The following ADAMTSL1 variants were observed in gnomAD, a reference collection of about 807,000 sequenced individuals.
ADAMTSL1 encodes the protein ADAMTS like 1, also known as ADAMTS-like protein 1.
A neutral mutation model predicts 201.8 loss-of-function variants in ADAMTSL1; 126 were observed. That is an observed-to-expected ratio of 0.62 (90% CI 0.54 to 0.72). The LOEUF (loss-of-function observed/expected upper bound fraction) is 0.72. Among genes scored for constraint, ADAMTSL1 ranks in the 30% least tolerant of loss-of-function variants. ADAMTSL1 has a pLI of 0.00. For missense variants in ADAMTSL1, 2,679 were observed against 2,277.8 expected (o/e 1.18, Z -3.59); for synonymous variants, 1,121 against 903.4 (o/e 1.24, Z -4.32).
At chr9:18,499,409 T>C (rs1822713365) in intron 1 of ADAMTSL1, among the ~76,000 whole-genome samples, 1 of 152,178 alleles carries the variant, frequency 6.6e-6, no homozygotes, top group South Asian at 2.1e-4. Flanking sequence ...GTATTCCAAG[T>C]TGTTAAAGAA....
rs561503557 is a variant in ADAMTSL1, at chr9:18,831,683, T to A, written c.4249+1706T>A. Among the ~76,000 whole-genome samples, 97 of 152,352 alleles carry A rather than the reference T, an allele frequency of 6.4e-4. 1 individual carries two copies. The highest frequency in any genetic ancestry group is 2.2e-3 in the African/African-American group (93 of 41,590). On this transcript the variant is annotated intron_variant, in intron 23 of 28. Coordinates refer to ENST00000380548, the MANE Select transcript of ADAMTSL1 (RefSeq NM_001040272.6). Reference sequence around the variant, plus strand: ...TCCAGCAGTTAAGAGACACCTTAAATTCCCAGTCCACATCCAGACTGCTCC... The same window carrying A: ...TCCAGCAGTTAAGAGACACCTTAAAATCCCAGTCCACATCCAGACTGCTCC...
intron 1 of ADAMTSL1, among the ~76,000 whole-genome samples, chr9:17,950,088 T>C (rs1433454219): frequency 6.6e-6 from 1 of 152,066 alleles, no homozygotes; most frequent in Non-Finnish European, 1.5e-5. Flanking sequence ...CCAGCTTATT[T>C]TTTGTATTTT....
At chr9:18,556,083 A>T (rs369455146) in intron 3 of ADAMTSL1, among the ~76,000 whole-genome samples, 28 of 152,130 alleles carry the variant, frequency 1.8e-4, no homozygotes, top group African/African-American at 6.3e-4. Context: ...CTTGCAGGGT[A>T]AGAAACAGAA....
chr9:18,817,916 T>G (rs1823965457), intron 21 of ADAMTSL1, among the ~76,000 whole-genome samples: 1 of 152,068 alleles, frequency 6.6e-6, no homozygotes, highest in South Asian at 2.1e-4. Context: ...AGATAGCCAG[T>G]GGAGTTCTGA....
At chr9:18,771,156 G>T (rs1820668391) in intron 17 of ADAMTSL1, among the ~76,000 whole-genome samples, 1 of 152,068 alleles carries the variant, frequency 6.6e-6, no homozygotes, top group Non-Finnish European at 1.5e-5. Flanking sequence ...AGATGTTTCT[G>T]TCTCTATTCA....
At chr9:18,362,394 C>T (rs1243055265) in intron 2 of ADAMTSL1, among the ~76,000 whole-genome samples, 1 of 152,184 alleles carries the variant, frequency 6.6e-6, no homozygotes, top group Non-Finnish European at 1.5e-5. Context: ...TAGGCCAACT[C>T]AGGAAATGAA....
rs566880548 is a variant in ADAMTSL1, at chr9:18,664,393, C to T, written c.1085+2320C>T. On this transcript the variant is annotated intron_variant, in intron 9 of 28. Coordinates refer to ENST00000380548, the MANE Select transcript of ADAMTSL1 (RefSeq NM_001040272.6). ...AAACCCCCAGGAAGCTGTTTTCTCA[C>T]TCAGATTTAATGGTCTAATAGTAAA... Among the ~76,000 whole-genome samples, 314 of 149,512 alleles carry T rather than the reference C, an allele frequency of 2.1e-3. 1 individual carries two copies. The highest frequency in any genetic ancestry group is 7.4e-3 in the African/African-American group (307 of 41,388).
At chr9:18,503,629 T>G (rs1822963393) in intron 1 of ADAMTSL1, among the ~76,000 whole-genome samples, 1 of 152,022 alleles carries the variant, frequency 6.6e-6, no homozygotes, top group Non-Finnish European at 1.5e-5. Flanking sequence ...GTGCCCAAGT[T>G]TATAGAGCTA....
intron 1 of ADAMTSL1, among the ~76,000 whole-genome samples, chr9:18,093,428 A>C (rs1453690833): frequency 6.6e-6 from 1 of 152,184 alleles, no homozygotes; most frequent in Non-Finnish European, 1.5e-5. Context: ...CTGTAGTTGA[A>C]AGTTAACAAG....
intron 1 of ADAMTSL1, among the ~76,000 whole-genome samples, chr9:17,983,594 G>A (rs1014276138): frequency 2.0e-5 from 3 of 152,140 alleles, no homozygotes; most frequent in Non-Finnish European, 4.4e-5. Context: ...TTGATATTAT[G>A]TAATTGACTA....
intron 1 of ADAMTSL1, among the ~76,000 whole-genome samples, chr9:18,023,887 A>G (rs1173174061): frequency 6.6e-6 from 1 of 152,150 alleles, no homozygotes. Flanking sequence ...TTGCTAAAAA[A>G]TCTCAATTTA....
intron 1 of ADAMTSL1, among the ~76,000 whole-genome samples, chr9:18,501,459 G>C (rs562305846): frequency 6.8e-6 from 1 of 146,384 alleles, no homozygotes. Context: ...TGCAATGATC[G>C]TGTCACTGCA....
intron 1 of ADAMTSL1, among the ~76,000 whole-genome samples, chr9:18,092,416 A>G (rs1824067640): frequency 6.6e-6 from 1 of 152,206 alleles, no homozygotes; most frequent in African/African-American, 2.4e-5. Context: ...ATATAGTTGA[A>G]TTAGGGAAAT....
chr9:18,889,531 T>C lies in ADAMTSL1; in HGVS notation c.4463-37T>C, dbSNP rs200369785. On this transcript the variant is annotated intron_variant, in intron 24 of 28. Transcript: ENST00000380548. ...GAATTCAGAGTGTGGGCAATTATGC[T>C]ATATTCTTTTCTACACTGCTCCTCC... is the stretch of plus-strand genomic sequence containing the variant. 3.0e-5 allele frequency: 49 copies of C among 1,606,620 alleles called. 1 individual carries two copies. In the Admixed American group the frequency reaches 7.9e-4, roughly 26 times the overall value.
intron 2 of ADAMTSL1, among the ~76,000 whole-genome samples, chr9:18,408,650 CA>C (rs1018212970): frequency 1.3e-5 from 2 of 152,104 alleles, no homozygotes; most frequent in African/African-American, 4.8e-5. Context: ...ATTATTGAAA[CA>C]AAAGTATGTT....
At chr9:18,293,962 C>T (rs1410728523) in intron 2 of ADAMTSL1, among the ~76,000 whole-genome samples, 2 of 152,080 alleles carry the variant, frequency 1.3e-5, no homozygotes, top group Non-Finnish European at 1.5e-5. Context: ...CATAAAATAA[C>T]AGGGAAAATA....
chr9:18,635,941 A>G lies in ADAMTSL1; in HGVS notation c.602-2A>G, dbSNP rs779711454. The G allele has an allele frequency of 1.3e-6, 2 of 1,597,716 alleles. No homozygotes were observed. The highest frequency in any genetic ancestry group is 1.7e-6 in the Non-Finnish European group (2 of 1,176,074). On this transcript the variant is annotated splice_acceptor_variant, in intron 5 of 28. Coordinates refer to ENST00000380548, the MANE Select transcript of ADAMTSL1 (RefSeq NM_001040272.6). LOFTEE classifies it high-confidence loss of function. ...TTAAGATTTTGCTTTGTTTCTCTCT[A>G]GCGGATGATACTGTGGTTGCAATTC...
intron 1 of ADAMTSL1, among the ~76,000 whole-genome samples, chr9:18,502,746 C>G (rs150249391): frequency 1.6e-4 from 25 of 152,116 alleles, no homozygotes; most frequent in African/African-American, 5.5e-4. Flanking sequence ...CAGGCAGATG[C>G]AATATGACAA....
At chr9:18,585,970 C>T (rs1179928107) in intron 4 of ADAMTSL1, among the ~76,000 whole-genome samples, 1 of 152,050 alleles carries the variant, frequency 6.6e-6, no homozygotes, top group Non-Finnish European at 1.5e-5. Flanking sequence ...ATGACAAGCC[C>T]ACAGCCAACA....
Sources: allele counts gnomAD v4.1 joint callset (sites outside exome capture counted in the v4.1 genomes callset), GRCh38; gene constraint gnomAD v4.1.1; transcripts MANE v1.5; gene names NCBI Gene and HGNC (gene_info 2026-07-23, HGNC 2026-07-21).